The following FHIP1A variants were observed in gnomAD, a reference collection of about 807,000 sequenced individuals.
FHIP1A encodes the protein FHF complex subunit HOOK interacting protein 1A, also known as FHF complex subunit HOOK-interacting protein 1A.
In FHIP1A, 61 loss-of-function variants were observed where a neutral mutation model predicts 88.6. The observed-to-expected ratio is 0.69, with a 90% CI of 0.56 to 0.85. FHIP1A has a LOEUF of 0.85. FHIP1A is among the 40% of genes least tolerant of loss of function. The pLI is 0.00. For synonymous variants in FHIP1A, 478 were observed against 496.0 expected (o/e 0.96, Z 0.48); for missense variants, 1,154 against 1,273.5 (o/e 0.91, Z 1.43).
At chr4:151,579,985 C>G (rs996464482) in intron 5 of FHIP1A, among the ~76,000 whole-genome samples, 10 of 152,142 alleles carry the variant, frequency 6.6e-5, no homozygotes, top group African/African-American at 2.4e-4. Context: ...GGGATATTCT[C>G]CCACATAACC....
chr4:151,554,597 C>T lies in FHIP1A; in HGVS notation c.-122-11541C>T, dbSNP rs1732874321. ...AGCGTAGTGTTTTTGATGTTGGTAG[C>T]CAAAGGTTTTGGGATGCTGAAAATT... On this transcript the variant is annotated intron_variant, in intron 3 of 13. Coordinates refer to ENST00000435205, the MANE Select transcript of FHIP1A (RefSeq NM_001109977.3). Among the ~76,000 whole-genome samples, 3 of 152,056 alleles carry T rather than the reference C, an allele frequency of 2.0e-5. No individual in the cohort carries two copies. The South Asian group carries it at 6.2e-4, about 32-fold the overall frequency.
intron 2 of FHIP1A, among the ~76,000 whole-genome samples, chr4:151,469,801 T>C (rs991014779): frequency 6.6e-6 from 1 of 152,232 alleles, no homozygotes; most frequent in African/African-American, 2.4e-5. Context: ...CTTCCACAGA[T>C]ACCTTTCAAA....
Position 151,538,689 on chromosome 4 carries a change from A to G in FHIP1A, c.-122-27449A>G, listed in dbSNP as rs143062656. On this transcript the variant is annotated intron_variant, in intron 3 of 13. Transcript: ENST00000435205. Reference sequence around the variant, plus strand: ...TTCTGGTGTTGCCAGAAACTAACCAAACTTTCTATACAGAGTCAAGTTATG... The same window carrying G: ...TTCTGGTGTTGCCAGAAACTAACCAGACTTTCTATACAGAGTCAAGTTATG... 7.2e-4 allele frequency among the ~76,000 whole-genome samples: 109 copies of G among 152,276 alleles called. 1 individual carries two copies. Among genetic ancestry groups the G allele is most frequent in the African/African-American group, 2.5e-3 (102 of 41,562 alleles).
chr4:151,454,455 A>G (rs1728902042), intron 1 of FHIP1A, among the ~76,000 whole-genome samples: 1 of 152,208 alleles, frequency 6.6e-6, no homozygotes, highest in South Asian at 2.1e-4. Context: ...GCTCTTTTGC[A>G]GAACTAAAGA....
intron 3 of FHIP1A, among the ~76,000 whole-genome samples, chr4:151,564,984 T>C (rs1438674400): frequency 6.6e-6 from 1 of 152,136 alleles, no homozygotes; most frequent in African/African-American, 2.4e-5. Flanking sequence ...TGAAGCCCAC[T>C]TTCTCCCATC....
At chr4:151,584,822 T>C (rs1734146684) in intron 5 of FHIP1A, among the ~76,000 whole-genome samples, 1 of 152,150 alleles carries the variant, frequency 6.6e-6, no homozygotes, top group African/African-American at 2.4e-5. Context: ...TGAGCTTTTG[T>C]ATATGCTGTT....
At chr4:151,613,654 G>A (rs1329308043) in intron 7 of FHIP1A, among the ~76,000 whole-genome samples, 2 of 152,232 alleles carry the variant, frequency 1.3e-5, no homozygotes, top group South Asian at 4.1e-4. Flanking sequence ...GTGTAGTGTA[G>A]TTGTACTTGA....
intron 5 of FHIP1A, among the ~76,000 whole-genome samples, chr4:151,580,757 A>G (rs1733989940): frequency 6.6e-6 from 1 of 152,100 alleles, no homozygotes. Context: ...TCAGTGGAAT[A>G]CTTTTCAGCA....
At chr4:151,628,573 C>T (rs1736039503) in intron 7 of FHIP1A, among the ~76,000 whole-genome samples, 1 of 152,072 alleles carries the variant, frequency 6.6e-6, no homozygotes, top group South Asian at 2.1e-4. Flanking sequence ...TGACAACTAA[C>T]ACTTTTAAAG....
intron 5 of FHIP1A, among the ~76,000 whole-genome samples, chr4:151,580,236 C>T (rs1733970670): frequency 6.6e-6 from 1 of 152,216 alleles, no homozygotes; most frequent in Non-Finnish European, 1.5e-5. Context: ...TCTTATAAAA[C>T]ACCCCACATT....
chr4:151,639,066 CTG>C (rs1736473082), intron 9 of FHIP1A, among the ~76,000 whole-genome samples: 1 of 152,176 alleles, frequency 6.6e-6, no homozygotes, highest in Non-Finnish European at 1.5e-5. Context: ...CTATTCTGGT[CTG>C]TGGCTGAATG....
In FHIP1A at chr4:151,547,324, G is replaced by A. The variant is rs539621789; in HGVS notation, c.-122-18814G>A. On this transcript the variant is annotated intron_variant, in intron 3 of 13. Transcript: ENST00000435205. ...GTAGCTCCAAGAGAAGAGCCACCCC[G>A]CAGAGAGGCCATAGGCTCACAGAAA... Among the ~76,000 whole-genome samples the A allele has an allele frequency of 2.1e-3, 322 of 152,140 alleles. 1 individual carries two copies. The highest frequency in any genetic ancestry group is 3.9e-3 in the Non-Finnish European group (267 of 68,026).
chr4:151,439,963 G>A (rs565130454), intron 1 of FHIP1A, among the ~76,000 whole-genome samples: 4 of 152,192 alleles, frequency 2.6e-5, no homozygotes, highest in Admixed American at 1.3e-4. Context: ...GTATTAGTCC[G>A]TTCTCACATT....
chr4:151,456,665 T>G (rs1728978021), intron 2 of FHIP1A, among the ~76,000 whole-genome samples: 1 of 152,104 alleles, frequency 6.6e-6, no homozygotes, highest in African/African-American at 2.4e-5. Context: ...AACATACACA[T>G]AACACACAAA....
At chr4:151,496,247 T>A (rs1236225418) in intron 3 of FHIP1A, among the ~76,000 whole-genome samples, 8 of 148,514 alleles carry the variant, frequency 5.4e-5, no homozygotes, top group African/African-American at 2.0e-4. Context: ...ATATATATAT[T>A]TTTATATATA....
chr4:151,510,399 C>T (rs1022505423), intron 3 of FHIP1A, among the ~76,000 whole-genome samples: 2 of 152,126 alleles, frequency 1.3e-5, no homozygotes, highest in Admixed American at 6.6e-5. Context: ...CATGAGCTAC[C>T]ATGCCTGGCC....
chr4:151,578,152 A>T (rs765035756), intron 5 of FHIP1A, 76 bp downstream of exon 5: 54 of 1,335,234 alleles, frequency 4.0e-5, no homozygotes, highest in Non-Finnish European at 5.4e-5. Flanking sequence ...ATACTTTCTT[A>T]CTCCCTTTTT....
intron 3 of FHIP1A, among the ~76,000 whole-genome samples, chr4:151,501,972 C>A (rs13110500): frequency 6.6e-6 from 1 of 151,384 alleles, no homozygotes; most frequent in Non-Finnish European, 1.5e-5. Context: ...ACTTACTAGA[C>A]AAAGACTTTA....
At chr4:151,591,918 A>AAT (rs1400113366) in intron 7 of FHIP1A, among the ~76,000 whole-genome samples, 2 of 152,148 alleles carry the variant, frequency 1.3e-5, no homozygotes, top group African/African-American at 2.4e-5. Context: ...ATAGTGCTGT[A>AAT]ATATATATAC....
Sources: gnomAD v4.1 joint callset for allele counts (sites outside exome capture counted in the v4.1 genomes callset) on GRCh38, gnomAD v4.1.1 for gene constraint, MANE v1.5 for transcripts, NCBI Gene and HGNC (gene_info 2026-07-23, HGNC 2026-07-21) for gene names.